TBC1D12: variants seen among roughly 807,000 people sequenced by gnomAD.
TBC1D12 encodes the protein TBC1 domain family, member 12.
In TBC1D12, 56 loss-of-function variants were observed where a neutral mutation model predicts 86.7. That is an observed-to-expected ratio of 0.65 (90% confidence interval 0.52 to 0.81). The LOEUF (loss-of-function observed/expected upper bound fraction) is 0.81, where lower values mean the gene tolerates loss of function less well. Ranked by LOEUF, TBC1D12 falls within the 30% of genes least tolerant of loss-of-function variation. The probability of loss-of-function intolerance (pLI) is 0.00; values close to 1 mark genes in which losing one functional copy is unlikely to be tolerated. For missense variants in TBC1D12, 1,023 were observed against 1,038.8 expected, an observed-to-expected ratio of 0.98 and a Z score of 0.21; for synonymous variants, 421 against 411.7, an observed-to-expected ratio of 1.02 and a Z score of -0.27.
rs184631987 is a variant in TBC1D12, at chr10:94,521,203, G to A, written c.1762-752G>A. On this transcript the variant is annotated intron_variant, in intron 9 of 12. Transcript: ENST00000225235. ...GCCTAGGTGACTTGAGTGAGACCCT[G>A]CTTCAAAAAAAAGAAACCAAAAAAA... Among the ~76,000 whole-genome samples, 556 of 127,464 alleles carry A rather than the reference G, an allele frequency of 4.4e-3. 4 individuals are homozygous for A. The highest frequency in any genetic ancestry group is 0.016 in the African/African-American group (525 of 32,258). 83.6% of individuals were successfully genotyped at this position (127,464 alleles called of 152,430 possible).
rs1234140873 is a variant in TBC1D12, at chr10:94,504,372, A to G, written c.1520-2895A>G. On this transcript the variant is annotated intron_variant, in intron 6 of 12. Coordinates refer to ENST00000225235, the MANE Select transcript of TBC1D12 (RefSeq NM_015188.2). ...CTTGAAATTTATAGTTTTGTAACATAACTGAGTCATTTATTTCCAACATAA... is the reference window on the plus strand; with the variant it reads ...CTTGAAATTTATAGTTTTGTAACATGACTGAGTCATTTATTTCCAACATAA... Among the ~76,000 whole-genome samples the G allele has an allele frequency of 2.0e-5, 3 of 152,208 alleles. No individual in the cohort carries two copies. The East Asian group carries it at 5.8e-4, about 29-fold the overall frequency.
chr10:94,473,849 C>T (rs1337911604), intron 2 of TBC1D12, among the ~76,000 whole-genome samples: 4 of 151,764 alleles, frequency 2.6e-5, no homozygotes, highest in South Asian at 2.1e-4. Flanking sequence ...ATGTGTTTAC[C>T]ATATATTAAA....
intron 2 of TBC1D12, among the ~76,000 whole-genome samples, chr10:94,466,450 A>G (rs1433157662): frequency 1.3e-5 from 2 of 152,046 alleles, no homozygotes; most frequent in South Asian, 4.1e-4. Flanking sequence ...ACATACACAC[A>G]TATATATAGT....
intron 1 of TBC1D12, among the ~76,000 whole-genome samples, chr10:94,410,423 CA>C (rs1463954952): frequency 6.6e-6 from 1 of 151,830 alleles, no homozygotes; most frequent in Non-Finnish European, 1.5e-5. Context: ...TCTTTTGTTT[CA>C]GAGATGAGGT....
chr10:94,468,003 G>A (rs1344177148), intron 2 of TBC1D12, among the ~76,000 whole-genome samples: 1 of 152,142 alleles, frequency 6.6e-6, no homozygotes, highest in African/African-American at 2.4e-5. Context: ...AGCATGTCCT[G>A]AACACTTAGG....
intron 1 of TBC1D12, among the ~76,000 whole-genome samples, chr10:94,435,361 GTAT>G (rs1338966541): frequency 1.3e-5 from 2 of 152,088 alleles, no homozygotes; most frequent in African/African-American, 4.8e-5. Flanking sequence ...TCTAAACTTG[GTAT>G]TATCAGGTTT....
intron 2 of TBC1D12, among the ~76,000 whole-genome samples, chr10:94,455,831 G>A (rs571064986): frequency 7.9e-5 from 12 of 152,140 alleles, no homozygotes; most frequent in Middle Eastern, 3.4e-3. Flanking sequence ...GGTGGCATGC[G>A]CCTGTAGTCC....
chr10:94,411,630 G>C (rs768943253), intron 1 of TBC1D12, among the ~76,000 whole-genome samples: 13 of 152,138 alleles, frequency 8.5e-5, no homozygotes, highest in Non-Finnish European at 1.6e-4. Flanking sequence ...CCTCCGCCTA[G>C]TCAGATTCAG....
chr10:94,436,336 A>T (rs1188398971), intron 1 of TBC1D12, among the ~76,000 whole-genome samples: 1 of 151,800 alleles, frequency 6.6e-6, no homozygotes, highest in Non-Finnish European at 1.5e-5. Context: ...GGGTTTCACC[A>T]TGTTGGCCAT....
At chr10:94,445,547 T>A (rs2055449564) in intron 2 of TBC1D12, among the ~76,000 whole-genome samples, 1 of 152,204 alleles carries the variant, frequency 6.6e-6, no homozygotes, top group Admixed American at 6.5e-5. Context: ...TCCAGCTATG[T>A]CACAGCTATT....
intron 4 of TBC1D12, among the ~76,000 whole-genome samples, chr10:94,495,502 A>C (rs1008023250): frequency 6.6e-6 from 1 of 152,158 alleles, no homozygotes; most frequent in Non-Finnish European, 1.5e-5. Flanking sequence ...TAAAATTTTT[A>C]CTATATGATT....
rs2054799417 is a variant in TBC1D12, at chr10:94,403,407, G to A, written c.794G>A (p.Gly265Asp). 3.9e-6 allele frequency: 6 copies of A among 1,548,788 alleles called. No individual in the cohort carries two copies. The highest frequency in any genetic ancestry group is 4.4e-6 in the Non-Finnish European group (5 of 1,147,202). Residue 265 changes from glycine to aspartate, a missense_variant, in exon 1 of 13, where the codon GGC becomes GAC. Physicochemically the swap from Gly to Asp is moderately conservative, Grantham distance 94 (BLOSUM62 -1). Around this residue, in one of 2 missense-constraint regions of TBC1D12, gnomAD observed 628 missense variants for 531.1 expected, o/e 1.18. Coordinates refer to ENST00000225235, the MANE Select transcript of TBC1D12 (RefSeq NM_015188.2). ...AATGGGGGTGCGGAGCCGCGCCTGG[G>A]CTTTTCTGACATTCACTTCAACTCT... is the stretch of plus-strand genomic sequence containing the variant. ...RTNGGAEPRL[G>D]FSDIHFNSRN...
At chr10:94,463,771 T>G (rs1365042213) in intron 2 of TBC1D12, among the ~76,000 whole-genome samples, 1 of 152,262 alleles carries the variant, frequency 6.6e-6, no homozygotes, top group Non-Finnish European at 1.5e-5. Context: ...TTTGCAGATG[T>G]TGAATGAAAT....
At chr10:94,510,313 G>A (rs910476148) in intron 8 of TBC1D12, 134 bp downstream of exon 8, 25 of 530,704 alleles carry the variant, frequency 4.7e-5, no homozygotes, top group Non-Finnish European at 7.7e-5. Flanking sequence ...TATAAAAAGT[G>A]TAAAACTAGT....
At chr10:94,411,680 A>C (rs1229838530) in intron 1 of TBC1D12, among the ~76,000 whole-genome samples, 1 of 152,114 alleles carries the variant, frequency 6.6e-6, no homozygotes, top group Non-Finnish European at 1.5e-5. Context: ...ATTTTTAGAA[A>C]GTTGCGTGGT....
chr10:94,424,558 A>G (rs1589606674), intron 1 of TBC1D12, among the ~76,000 whole-genome samples: 2 of 152,378 alleles, frequency 1.3e-5, no homozygotes, highest in East Asian at 1.9e-4. Context: ...TGATGGAAAC[A>G]TAAATTGAAA....
chr10:94,507,207 A>G, intron 6 of TBC1D12, 60 bp from the exon 7 acceptor site: 2 of 1,529,974 alleles, frequency 1.3e-6, no homozygotes, highest in Non-Finnish European at 1.8e-6. Flanking sequence ...AAAAATTAAA[A>G]TTTGCAAATA....
rs764601088 is a variant in TBC1D12, at chr10:94,403,052, C to G, written c.439C>G (p.Arg147Gly). The G allele has an allele frequency of 6.4e-7, 1 of 1,551,674 alleles. No homozygotes were observed. The highest frequency in any genetic ancestry group is 1.4e-5 in the African/African-American group (1 of 70,170). ...GGGTTTTCTGCCGGGCCGGGACTGTCGCGATCTGGAAGAGGCTCGCGGGCT... is the reference window on the plus strand; with the variant it reads ...GGGTTTTCTGCCGGGCCGGGACTGTGGCGATCTGGAAGAGGCTCGCGGGCT... ...DSGFLPGRDC[R>G]DLEEARGLAR... Residue 147 changes from arginine (R) to glycine (G), a missense_variant, in exon 1 of 13, where the codon CGC becomes GGC. Arg to Gly is a moderately radical substitution (Grantham distance 125). This residue lies in a region of TBC1D12 where 628 missense variants were observed against 531.1 expected (regional missense o/e 1.18). Coordinates refer to ENST00000225235, the MANE Select transcript of TBC1D12 (RefSeq NM_015188.2).
At chr10:94,467,792 C>T (rs1317563715) in intron 2 of TBC1D12, among the ~76,000 whole-genome samples, 1 of 152,118 alleles carries the variant, frequency 6.6e-6, no homozygotes, top group Admixed American at 6.5e-5. Flanking sequence ...CAGCAGTGAG[C>T]TCATAGCTCC....
Sources: gnomAD v4.1 joint callset for allele counts (sites outside exome capture counted in the v4.1 genomes callset) on GRCh38, gnomAD v4.1.1 for gene constraint, gnomAD v4.1.1 regional missense constraint, MANE v1.5 for transcripts, NCBI Gene and HGNC (gene_info 2026-07-23, HGNC 2026-07-21) for gene names.